Variants in CDH13 observed in about 807,000 individuals in gnomAD.
CDH13 encodes the protein cadherin-13.
CDH13 carries 24 observed loss-of-function variants against 63.8 expected under a neutral mutation model. The observed-to-expected ratio is 0.38, with a 90% CI of 0.27 to 0.53. CDH13 has a LOEUF of 0.53. Among genes scored for constraint, CDH13 ranks in the 20% least tolerant of loss-of-function variants. The pLI, the probability that CDH13 is intolerant of heterozygous loss-of-function variation, is 0.85. For synonymous variants in CDH13, 503 were observed against 355.3 expected (o/e 1.42, Z -4.67); for missense variants, 1,049 against 903.1 (o/e 1.16, Z -2.07).
chr16:83,263,085 TATGG>T (rs1907177196), intron 5 of CDH13, among the ~76,000 whole-genome samples: 1 of 152,194 alleles, frequency 6.6e-6, no homozygotes, highest in African/African-American at 2.4e-5. Context: ...ACATATTAGC[TATGG>T]ATATAAACAA....
chr16:83,536,067 A>G, intron 7 of CDH13, among the ~76,000 whole-genome samples: 1 of 152,124 alleles, frequency 6.6e-6, no homozygotes, highest in South Asian at 2.1e-4. Context: ...CCAGGACAAC[A>G]TTTGCATGAA....
At chr16:83,019,284 T>G (rs1004842948) in intron 2 of CDH13, among the ~76,000 whole-genome samples, 5 of 152,176 alleles carry the variant, frequency 3.3e-5, no homozygotes, top group Admixed American at 6.5e-5. Flanking sequence ...TTGAACTTCT[T>G]TGTTAAAAGC....
chr16:83,167,703 A>G (rs1468958652), intron 4 of CDH13, among the ~76,000 whole-genome samples: 1 of 150,932 alleles, frequency 6.6e-6, no homozygotes, highest in African/African-American at 2.4e-5. Context: ...TTTTTTTTTA[A>G]TTATCCTATT....
intron 4 of CDH13, chr16:83,180,881 T>G: frequency 1.3e-6 from 2 of 1,525,842 alleles, no homozygotes; most frequent in Non-Finnish European, 1.8e-6. Flanking sequence ...GAACCCACAA[T>G]CCTATTAACA....
intron 2 of CDH13, among the ~76,000 whole-genome samples, chr16:82,922,099 C>G (rs1206381268): frequency 2.0e-5 from 3 of 152,106 alleles, no homozygotes; most frequent in Non-Finnish European, 4.4e-5. Context: ...TCTGTAAGAT[C>G]AGTGGTGGTA....
rs577056797 is a variant in CDH13, at chr16:83,477,948, G to A, written c.782-8529G>A. ...TGTAATCCCAGCACTTTGGGAGGCC[G>A]AGTCGGGTGGATCACGAGGTCAGGA... is the stretch of plus-strand genomic sequence containing the variant. On this transcript the variant is annotated intron_variant, in intron 6 of 13. Transcript: ENST00000567109. Among the ~76,000 whole-genome samples the A allele has an allele frequency of 1.3e-4, 20 of 152,166 alleles. No homozygotes were observed. The East Asian group carries it at 3.3e-3, about 25-fold the overall frequency.
intron 5 of CDH13, among the ~76,000 whole-genome samples, chr16:83,324,042 T>TCTC (rs1555530342): frequency 1.5e-5 from 2 of 134,786 alleles, no homozygotes; most frequent in East Asian, 4.1e-4. Context: ...TTCTTCTTCT[T>TCTC]TTTTTTTTTT....
At chr16:82,813,972 A>G (rs2037577964) in intron 1 of CDH13, among the ~76,000 whole-genome samples, 1 of 152,132 alleles carries the variant, frequency 6.6e-6, no homozygotes, top group South Asian at 2.1e-4. Flanking sequence ...AGACCCATCT[A>G]TTCAGCACAT....
Position 83,430,141 on chromosome 16 carries a change from A to G in CDH13, c.782-56336A>G, listed in dbSNP as rs76401842. Among the ~76,000 whole-genome samples the G allele has an allele frequency of 9.0e-3, 1,374 of 152,310 alleles. 10 individuals are homozygous for G. The highest frequency in any genetic ancestry group is 0.015 in the Non-Finnish European group (987 of 68,028). ...CTTCTGGGTATTTAAAAGAATTGAT[A>G]TCAGGATCTTGAGGACGTATTAGGG... On this transcript the variant is annotated intron_variant, in intron 6 of 13. Transcript: ENST00000567109.
intron 4 of CDH13, among the ~76,000 whole-genome samples, chr16:83,182,121 GA>G (rs2038367542): frequency 6.6e-6 from 1 of 152,154 alleles, no homozygotes. Flanking sequence ...ATATTTTATG[GA>G]GGTCCTTAAA....
At chr16:82,660,375 A>G (rs1911791112) in intron 1 of CDH13, among the ~76,000 whole-genome samples, 1 of 152,216 alleles carries the variant, frequency 6.6e-6, no homozygotes, top group African/African-American at 2.4e-5. Context: ...TATGACAGAG[A>G]AACCACCAAT....
intron 3 of CDH13, among the ~76,000 whole-genome samples, chr16:83,124,342 G>A (rs781492316): frequency 9.2e-5 from 14 of 152,172 alleles, no homozygotes; most frequent in South Asian, 4.2e-4. Context: ...CACCGCACCC[G>A]GCCTACCCAC....
chr16:83,524,011 C>T (rs2074900011), intron 7 of CDH13, among the ~76,000 whole-genome samples: 1 of 152,178 alleles, frequency 6.6e-6, no homozygotes, highest in East Asian at 1.9e-4. Flanking sequence ...TCTTAGATCA[C>T]AGCTCTTAAT....
chr16:83,563,195 C>G (rs1274086810), intron 7 of CDH13, among the ~76,000 whole-genome samples: 1 of 152,226 alleles, frequency 6.6e-6, no homozygotes, highest in African/African-American at 2.4e-5. Flanking sequence ...CCAGCTGCTT[C>G]CTCTTCTTAG....
chr16:83,774,488 T>C (rs994238664), intron 11 of CDH13, among the ~76,000 whole-genome samples: 10 of 152,158 alleles, frequency 6.6e-5, no homozygotes, highest in African/African-American at 2.4e-4. Flanking sequence ...TTCTCCTGCC[T>C]CAGCCTCCAG....
intron 6 of CDH13, among the ~76,000 whole-genome samples, chr16:83,472,115 C>A (rs1419583845): frequency 6.6e-6 from 1 of 152,178 alleles, no homozygotes; most frequent in Non-Finnish European, 1.5e-5. Context: ...TAGTCACTCA[C>A]TTAATCCATG....
At chr16:83,787,842 C>G (rs1014290245) in intron 13 of CDH13, among the ~76,000 whole-genome samples, 1 of 152,122 alleles carries the variant, frequency 6.6e-6, no homozygotes, top group Non-Finnish European at 1.5e-5. Flanking sequence ...ACTCGGGAGG[C>G]TGAGGCAGGA....
At chr16:83,146,611 G>A (rs918142291) in intron 4 of CDH13, among the ~76,000 whole-genome samples, 1 of 152,222 alleles carries the variant, frequency 6.6e-6, no homozygotes, top group Non-Finnish European at 1.5e-5. Context: ...GCAGTTATAT[G>A]TGTATGTCAC....
At chr16:82,668,881 A>G (rs530060203) in intron 1 of CDH13, among the ~76,000 whole-genome samples, 2 of 152,360 alleles carry the variant, frequency 1.3e-5, no homozygotes, top group East Asian at 3.9e-4. Flanking sequence ...CCTGGACTTC[A>G]GCAAGTTCCA....
Sources: allele counts gnomAD v4.1 joint callset (sites outside exome capture counted in the v4.1 genomes callset), GRCh38; gene constraint gnomAD v4.1.1; transcripts MANE v1.5; gene names NCBI Gene and HGNC (gene_info 2026-07-23, HGNC 2026-07-21).